The following KAZN variants were observed in gnomAD, a reference collection of about 807,000 sequenced individuals.
KAZN encodes the protein kazrin.
In KAZN, 40 loss-of-function variants were observed where a neutral mutation model predicts 87.4. The ratio of observed to expected loss-of-function variants is 0.46; its 90% CI spans 0.36 to 0.60. The LOEUF (loss-of-function observed/expected upper bound fraction) is 0.60, where lower values mean the gene tolerates loss of function less well. Among genes scored for constraint, KAZN ranks in the 20% least tolerant of loss-of-function variants. The probability of loss-of-function intolerance (pLI) is 0.00; values close to 1 mark genes in which losing one functional copy is unlikely to be tolerated. For synonymous variants in KAZN, 466 were observed against 458.3 expected, an observed-to-expected ratio of 1.02 and a Z score of -0.22; for missense variants, 898 against 1,073.9, an observed-to-expected ratio of 0.84 and a Z score of 2.29.
At chr1:14,832,457 G>A (rs1464656055) in intron 1 of KAZN, among the ~76,000 whole-genome samples, 1 of 152,158 alleles carries the variant, frequency 6.6e-6, no homozygotes, top group Non-Finnish European at 1.5e-5. Flanking sequence ...TGGGAGTAAT[G>A]TTCACTATCT....
intron 1 of KAZN, among the ~76,000 whole-genome samples, chr1:14,930,708 T>C (rs1189014824): frequency 1.3e-5 from 2 of 152,198 alleles, no homozygotes; most frequent in Non-Finnish European, 2.9e-5. Context: ...CCTGGGACCC[T>C]TCCTCCTGCA....
upstream of KAZN, among the ~76,000 whole-genome samples, chr1:14,597,721 G>A (rs778825859): frequency 3.9e-5 from 6 of 152,086 alleles, no homozygotes; most frequent in South Asian, 4.2e-4. Flanking sequence ...GAATGATGGC[G>A]CCCTGTTGAC....
intron 1 of KAZN, among the ~76,000 whole-genome samples, chr1:14,645,425 A>G (rs1159543232): frequency 1.3e-5 from 2 of 152,230 alleles, no homozygotes; most frequent in East Asian, 3.8e-4. Context: ...AACTCTTCCT[A>G]TCCATAAACA....
intron 1 of KAZN, among the ~76,000 whole-genome samples, chr1:14,065,642 A>G (rs956185193): frequency 1.3e-5 from 2 of 151,604 alleles, no homozygotes; most frequent in Non-Finnish European, 2.9e-5. Flanking sequence ...TCTTCCAATT[A>G]CTCCAGCAGG....
chr1:14,901,650 A>G (rs1193587780), intron 1 of KAZN, among the ~76,000 whole-genome samples: 3 of 152,158 alleles, frequency 2.0e-5, no homozygotes, highest in African/African-American at 7.2e-5. Context: ...GGAATTCCAG[A>G]TACTTTTTGG....
intron 1 of KAZN, among the ~76,000 whole-genome samples, chr1:14,877,437 G>A (rs1025563587): frequency 1.3e-5 from 2 of 152,154 alleles, no homozygotes; most frequent in African/African-American, 4.8e-5. Context: ...TGCATCATGG[G>A]CCAATCCCTG....
At chr1:14,243,484 G>C (rs562150921) in intron 2 of KAZN, among the ~76,000 whole-genome samples, 1 of 152,264 alleles carries the variant, frequency 6.6e-6, no homozygotes, top group South Asian at 2.1e-4. Context: ...GTCGGTTTTG[G>C]TTTAACGTAG....
intron 2 of KAZN, among the ~76,000 whole-genome samples, chr1:14,312,173 C>G (rs571652471): frequency 2.6e-5 from 4 of 152,262 alleles, no homozygotes; most frequent in African/African-American, 7.2e-5. Flanking sequence ...TTGAAGCCAG[C>G]AGACTCAGGT....
At chr1:14,705,850 A>G (rs1642179194) in intron 1 of KAZN, among the ~76,000 whole-genome samples, 1 of 152,198 alleles carries the variant, frequency 6.6e-6, no homozygotes, top group South Asian at 2.1e-4. Context: ...AATACCTTCT[A>G]GCGTTCTATA....
intron 1 of KAZN, among the ~76,000 whole-genome samples, chr1:14,898,232 T>C (rs1655473709): frequency 6.6e-6 from 1 of 152,118 alleles, no homozygotes; most frequent in South Asian, 2.1e-4. Flanking sequence ...TTTCACTGAA[T>C]GTTCATCTCT....
chr1:14,143,330 T>A (rs115859937), intron 1 of KAZN, among the ~76,000 whole-genome samples: 4,219 of 152,292 alleles, frequency 0.028, 210 homozygotes, highest in African/African-American at 0.096. Flanking sequence ...GAAGTCCTCC[T>A]CCCCACTATT....
intron 8 of KAZN, among the ~76,000 whole-genome samples, chr1:15,075,986 A>T (rs898928693): frequency 2.0e-5 from 3 of 152,206 alleles, no homozygotes; most frequent in Non-Finnish European, 4.4e-5. Context: ...CAGAGATGTC[A>T]GAGTCACATC....
At chr1:14,730,651 C>T (rs1006661657) in intron 1 of KAZN, among the ~76,000 whole-genome samples, 7 of 152,156 alleles carry the variant, frequency 4.6e-5, no homozygotes, top group African/African-American at 1.7e-4. Flanking sequence ...GTCACGCTAC[C>T]TCTCATTATC....
chr1:14,997,974 G>C (rs1668064896), intron 2 of KAZN, among the ~76,000 whole-genome samples: 1 of 152,224 alleles, frequency 6.6e-6, no homozygotes, highest in South Asian at 2.1e-4. Context: ...CACCCAGACA[G>C]GCTAAGCACT....
chr1:14,345,149 T>A (rs1337913374), intron 2 of KAZN, among the ~76,000 whole-genome samples: 1 of 152,150 alleles, frequency 6.6e-6, no homozygotes, highest in Non-Finnish European at 1.5e-5. Flanking sequence ...AACTTCTGAC[T>A]CCAGGTGATC....
intron 2 of KAZN, among the ~76,000 whole-genome samples, chr1:14,490,285 C>T (rs1169254662): frequency 1.3e-5 from 2 of 152,132 alleles, no homozygotes; most frequent in African/African-American, 2.4e-5. Flanking sequence ...CCTTTATCTG[C>T]GTTAGTTACA....
chr1:14,753,136 G>A (rs565369344), intron 1 of KAZN, among the ~76,000 whole-genome samples: 1 of 152,288 alleles, frequency 6.6e-6, no homozygotes, highest in East Asian at 1.9e-4. Flanking sequence ...CATCATTGGA[G>A]GGCACTGAGG....
intron 2 of KAZN, among the ~76,000 whole-genome samples, chr1:14,507,653 C>T (rs532018983): frequency 6.6e-6 from 1 of 152,092 alleles, no homozygotes; most frequent in South Asian, 2.1e-4. Flanking sequence ...TCTTTTCTTC[C>T]CCAAATTGAA....
chr1:13,999,395 C>A (rs115390171), intron 1 of KAZN, among the ~76,000 whole-genome samples: 2,304 of 151,672 alleles, frequency 0.015, 49 homozygotes, highest in African/African-American at 0.052. Flanking sequence ...ACAAAAAAAA[C>A]CACAACTCAC....
Sources: allele counts gnomAD v4.1 joint callset (sites outside exome capture counted in the v4.1 genomes callset), GRCh38; gene constraint gnomAD v4.1.1; transcripts MANE v1.5; gene names NCBI Gene and HGNC (gene_info 2026-07-23, HGNC 2026-07-21).